PALS2: variants seen among roughly 807,000 people sequenced by gnomAD.
PALS2 encodes protein PALS2.
A neutral mutation model predicts 61.6 loss-of-function variants in PALS2; 27 were observed. That is an observed-to-expected ratio of 0.44 (90% CI 0.32 to 0.60). The LOEUF (loss-of-function observed/expected upper bound fraction) is 0.60. Ranked by LOEUF, PALS2 falls within the 20% of genes least tolerant of loss-of-function variation. The pLI is 0.05. For missense variants in PALS2, 554 were observed against 639.4 expected (o/e 0.87, Z 1.44); for synonymous variants, 236 against 218.6 (o/e 1.08, Z -0.70).
intron 2 of PALS2, among the ~76,000 whole-genome samples, chr7:24,635,662 A>G (rs529976485): frequency 6.6e-6 from 1 of 152,196 alleles, no homozygotes; most frequent in Non-Finnish European, 1.5e-5. Flanking sequence ...ACTAGTAAAT[A>G]TAATGGAAGT....
At chr7:24,594,405 T>A (rs1463758434) in intron 1 of PALS2, among the ~76,000 whole-genome samples, 1 of 152,168 alleles carries the variant, frequency 6.6e-6, no homozygotes. Flanking sequence ...CATTCACAAC[T>A]TGGCTGTTTA....
chr7:24,688,277 A>G lies in PALS2; in HGVS notation c.*663A>G, dbSNP rs1222522573. ...CTTTACTGAAAAATTGAAGAGCAAT[A>G]CCTTGCACTCTCTTTTGAGGTTATT... On this transcript the variant is annotated 3_prime_UTR_variant, in exon 12 of 12. Transcript: ENST00000222644. 1 of 152,210 alleles carries G rather than the reference A, an allele frequency of 6.6e-6. No individual in the cohort carries two copies. The highest frequency in any genetic ancestry group is 1.5e-5 in the Non-Finnish European group (1 of 68,032). 9.4% of individuals were successfully genotyped at this position (152,210 alleles called of 1,614,324 possible). A position where few individuals can be genotyped will look rare whatever the true frequency, so the allele number is the denominator to read the frequency against.
chr7:24,662,003 G>A (rs1430121925), intron 5 of PALS2, among the ~76,000 whole-genome samples: 1 of 152,048 alleles, frequency 6.6e-6, no homozygotes, highest in Non-Finnish European at 1.5e-5. Flanking sequence ...ACATGGAGCT[G>A]CATGACATTA....
chr7:24,575,132 A>G (rs1009710136), intron 1 of PALS2, among the ~76,000 whole-genome samples: 2 of 152,206 alleles, frequency 1.3e-5, no homozygotes, highest in African/African-American at 4.8e-5. Flanking sequence ...CTACGGTTAC[A>G]TAATACACAA....
At chr7:24,601,874 G>C (rs1344515523) in intron 1 of PALS2, among the ~76,000 whole-genome samples, 2 of 151,842 alleles carry the variant, frequency 1.3e-5, no homozygotes, top group Admixed American at 1.3e-4. Context: ...TTTTTTCTCA[G>C]TATTCTGATA....
At position 24,628,610 on chromosome 7, in the gene PALS2, A is replaced by C. The variant is rs188737067; in HGVS notation, c.117+4826A>C. Among the ~76,000 whole-genome samples the C allele has an allele frequency of 3.2e-3, 494 of 152,318 alleles. 1 individual carries two copies. The highest frequency in any genetic ancestry group is 4.9e-3 in the Non-Finnish European group (330 of 68,016). ...TTAGAAAACCCCATTGTCTCAGCCC[A>C]AAAGCTCCTTAAGCTGATAAGCAAC... On this transcript the variant is annotated intron_variant, in intron 2 of 11. Coordinates refer to ENST00000222644, the MANE Select transcript of PALS2 (RefSeq NM_001303037.2).
At chr7:24,631,243 CT>C (rs982360988) in intron 2 of PALS2, among the ~76,000 whole-genome samples, 1 of 152,142 alleles carries the variant, frequency 6.6e-6, no homozygotes, top group African/African-American at 2.4e-5. Flanking sequence ...TCATGGATGA[CT>C]TTGAGGGATT....
rs1486991555 is a variant in PALS2, at chr7:24,600,790, C to G, written c.-2-22876C>G. Among the ~76,000 whole-genome samples the G allele has an allele frequency of 9.9e-5, 15 of 152,116 alleles. 1 individual carries two copies. The highest frequency in any genetic ancestry group is 6.5e-4 in the Admixed American group (10 of 15,272). Reference sequence around the variant, plus strand: ...AAAAGAATTTAAGAAACCATGTCATCTAAGGATGACTTTGTCTTCTCCAGG... The same window carrying G: ...AAAAGAATTTAAGAAACCATGTCATGTAAGGATGACTTTGTCTTCTCCAGG... On this transcript the variant is annotated intron_variant, in intron 1 of 11. Transcript: ENST00000222644.
At position 24,691,216 on chromosome 7, in the gene PALS2, A is replaced by G. The variant is rs1178631496; in HGVS notation, c.*3602A>G. ...TTGCTCAAAATAATAATCTACTTAA[A>G]TTTTACTTTTGTAACTTCTGAAACA... On this transcript the variant is annotated 3_prime_UTR_variant, in exon 12 of 12. Coordinates refer to ENST00000222644, the MANE Select transcript of PALS2 (RefSeq NM_001303037.2). The G allele has an allele frequency of 1.3e-5, 2 of 151,748 alleles. No homozygotes were observed. The highest frequency in any genetic ancestry group is 1.3e-4 in the Admixed American group (2 of 15,248). 9.4% of individuals were successfully genotyped at this position (151,748 alleles called of 1,614,324 possible).
At chr7:24,637,276 A>G (rs1445621427) in intron 2 of PALS2, among the ~76,000 whole-genome samples, 1 of 137,386 alleles carries the variant, frequency 7.3e-6, no homozygotes, top group Non-Finnish European at 1.6e-5. Flanking sequence ...TTCCATTCTG[A>G]TTTACTTACA....
In PALS2 at chr7:24,680,551, A is replaced by G. The variant is rs758314244; in HGVS notation, c.1446+31A>G. On this transcript the variant is annotated intron_variant, in intron 11 of 11. Transcript: ENST00000222644. ...CTAACCATACGATTTTCCTTCTAAA[A>G]TCTTTCCTTTTCTTTTGAGCATGTT... 36 of 1,591,554 alleles carry G rather than the reference A, an allele frequency of 2.3e-5. No homozygotes were observed. The Admixed American group carries it at 3.2e-4, about 14-fold the overall frequency.
intron 9 of PALS2, among the ~76,000 whole-genome samples, chr7:24,669,079 G>A (rs1285247511): frequency 6.6e-6 from 1 of 152,136 alleles, no homozygotes; most frequent in Non-Finnish European, 1.5e-5. Context: ...GAACTTACGT[G>A]GCCTGGCTTG....
At chr7:24,640,963 G>C (rs1185957800) in intron 2 of PALS2, among the ~76,000 whole-genome samples, 2 of 136,246 alleles carry the variant, frequency 1.5e-5, no homozygotes, top group Admixed American at 8.3e-5. Context: ...AGCTGAGGTC[G>C]CGCCACTGCA....
At chr7:24,612,311 T>C (rs1231253044) in intron 1 of PALS2, among the ~76,000 whole-genome samples, 1 of 151,954 alleles carries the variant, frequency 6.6e-6, no homozygotes, top group Non-Finnish European at 1.5e-5. Flanking sequence ...TCTGTTCCTA[T>C]GATAATACTG....
chr7:24,621,458 T>C (rs189120899), intron 1 of PALS2, among the ~76,000 whole-genome samples: 1 of 152,106 alleles, frequency 6.6e-6, no homozygotes, highest in Non-Finnish European at 1.5e-5. Context: ...AAAACACTAT[T>C]GATTTTGTTT....
At chr7:24,583,024 G>A (rs142854811) in intron 1 of PALS2, among the ~76,000 whole-genome samples, 7,893 of 150,546 alleles carry the variant, frequency 0.052, 271 homozygotes, top group African/African-American at 0.09. Context: ...CTTCCTGAGT[G>A]GCTGGGATTA....
chr7:24,652,257 T>G (rs1583950583), intron 5 of PALS2, among the ~76,000 whole-genome samples: 1 of 152,192 alleles, frequency 6.6e-6, no homozygotes, highest in South Asian at 2.1e-4. Flanking sequence ...TTCTTCTAGC[T>G]CACCATGGCT....
chr7:24,593,482 C>T lies in PALS2; in HGVS notation c.-3+19889C>T, dbSNP rs78074375. 6.7e-3 allele frequency among the ~76,000 whole-genome samples: 1,027 copies of T among 152,196 alleles called. 9 individuals carry two copies. The highest frequency in any genetic ancestry group is 0.031 in the Middle Eastern group (9 of 294). On this transcript the variant is annotated intron_variant, in intron 1 of 11. Transcript: ENST00000222644. ...CAAAAGGTTTTCAATTTGCCCACATCCATCAGAGGAATCACTATCTATGGC... is the reference window on the plus strand; with the variant it reads ...CAAAAGGTTTTCAATTTGCCCACATTCATCAGAGGAATCACTATCTATGGC...
At chr7:24,667,840 AT>A (rs1220931200) in intron 8 of PALS2, among the ~76,000 whole-genome samples, 1 of 151,006 alleles carries the variant, frequency 6.6e-6, no homozygotes, top group Non-Finnish European at 1.5e-5. Context: ...AATTTTTTGT[AT>A]TTTTTTAGTA....
Sources: gnomAD v4.1 joint callset for allele counts (sites outside exome capture counted in the v4.1 genomes callset) on GRCh38, gnomAD v4.1.1 for gene constraint, MANE v1.5 for transcripts, NCBI Gene and HGNC (gene_info 2026-07-23, HGNC 2026-07-21) for gene names.